The following SPAG17 variants were observed in gnomAD, a reference collection of about 807,000 sequenced individuals.
SPAG17 encodes sperm associated antigen 17.
Under a neutral mutation model 273.6 loss-of-function variants are expected in SPAG17, and 169 were observed. The ratio of observed to expected loss-of-function variants is 0.62; its 90% confidence interval spans 0.55 to 0.70. The LOEUF (loss-of-function observed/expected upper bound fraction) is 0.70. Among genes scored for constraint, SPAG17 ranks in the 30% least tolerant of loss-of-function variants. SPAG17 has a pLI of 0.00. For synonymous variants in SPAG17, 825 were observed against 873.2 expected (o/e 0.94, Z 0.97); for missense variants, 2,557 against 2,627.8 (o/e 0.97, Z 0.59).
At chr1:118,139,738 C>G (rs1658563480) in intron 3 of SPAG17, among the ~76,000 whole-genome samples, 1 of 151,238 alleles carries the variant, frequency 6.6e-6, no homozygotes, top group South Asian at 2.1e-4. Context: ...CATGGGGAAT[C>G]TAAAAATCAA....
chr1:118,012,455 A>T, intron 29 of SPAG17, 83 bp from the exon 30 acceptor site: 1 of 1,455,588 alleles, frequency 6.9e-7, no homozygotes, highest in Non-Finnish European at 9.3e-7. Flanking sequence ...GAATACGAAG[A>T]TGGCACCATC....
chr1:117,969,197 T>G (rs1654263956), intron 46 of SPAG17, among the ~76,000 whole-genome samples: 1 of 152,172 alleles, frequency 6.6e-6, no homozygotes, highest in Admixed American at 6.5e-5. Flanking sequence ...TTTTGGAGGA[T>G]GTATCAAATA....
intron 32 of SPAG17, among the ~76,000 whole-genome samples, chr1:118,004,440 T>C (rs1400762691): frequency 6.6e-6 from 1 of 152,166 alleles, no homozygotes; most frequent in African/African-American, 2.4e-5. Context: ...CTAGAGGCAG[T>C]AGGCCTTGCT....
intron 3 of SPAG17, among the ~76,000 whole-genome samples, chr1:118,129,054 G>C (rs138365347): frequency 6.6e-6 from 1 of 152,338 alleles, no homozygotes; most frequent in Non-Finnish European, 1.5e-5. Flanking sequence ...CTTAAGGGAT[G>C]AGATTGCTGC....
chr1:118,046,805 T>G (rs1650409234), intron 20 of SPAG17, among the ~76,000 whole-genome samples: 2 of 152,128 alleles, frequency 1.3e-5, no homozygotes, highest in African/African-American at 4.8e-5. Flanking sequence ...TTTCACTTAT[T>G]TAGAGTGAAT....
chr1:118,003,770 A>G (rs1476403261), intron 32 of SPAG17, among the ~76,000 whole-genome samples: 1 of 152,106 alleles, frequency 6.6e-6, no homozygotes, highest in Admixed American at 6.6e-5. Context: ...ATGTTCCTTT[A>G]GCTCAGAGAA....
At chr1:118,083,440 T>A (rs1654747963) in intron 13 of SPAG17, among the ~76,000 whole-genome samples, 2 of 152,070 alleles carry the variant, frequency 1.3e-5, no homozygotes, top group African/African-American at 4.8e-5. Flanking sequence ...GGTGGGGGAC[T>A]GGGCTGGGAT....
rs559962937 is a variant in SPAG17 at position 118,093,249 on chromosome 1, C to T, written c.1080G>A (p.Arg360=). 5.2e-4 allele frequency: 834 copies of T among 1,613,660 alleles called. 9 individuals are homozygous for T. In the South Asian group the frequency reaches 8.3e-3, roughly 16 times the overall value. Residue 360 remains arginine (R), a synonymous_variant, in exon 8 of 49, where the codon AGG becomes AGA. Coordinates refer to ENST00000336338, the MANE Select transcript of SPAG17 (RefSeq NM_206996.4). Reference sequence around the variant, plus strand: ...TGCTTTCCAAATAGTGCTGGTGCTGCCTTTTCCAATCCAGGATGTCATACA... The same window carrying T: ...TGCTTTCCAAATAGTGCTGGTGCTGTCTTTTCCAATCCAGGATGTCATACA... ...CLMYDILDWK[R]QHQHYLESMQ...
At chr1:118,114,200 C>A (rs534363938) in intron 4 of SPAG17, among the ~76,000 whole-genome samples, 86 of 152,224 alleles carry the variant, frequency 5.6e-4, no homozygotes, top group African/African-American at 2.0e-3. Flanking sequence ...AGGTACAACT[C>A]CCCCAACACG....
intron 1 of SPAG17, among the ~76,000 whole-genome samples, chr1:118,160,935 A>T (rs1183372713): frequency 6.6e-6 from 1 of 152,170 alleles, no homozygotes; most frequent in Non-Finnish European, 1.5e-5. Flanking sequence ...TTTCTCCAAT[A>T]ACTCCCTAGG....
At chr1:118,170,682 G>A (rs1196860235) in intron 1 of SPAG17, among the ~76,000 whole-genome samples, 4 of 152,138 alleles carry the variant, frequency 2.6e-5, no homozygotes, top group East Asian at 3.9e-4. Context: ...ATCTCAGAGC[G>A]GGTAAGAAAG....
chr1:118,117,966 G>A (rs1467423462), intron 3 of SPAG17, among the ~76,000 whole-genome samples: 1 of 152,180 alleles, frequency 6.6e-6, no homozygotes, highest in African/African-American at 2.4e-5. Context: ...TGGTATATGG[G>A]TCATTCCCAA....
Position 118,052,145 on chromosome 1 carries a change from ATATATAC to A in SPAG17, c.2814+1850_2814+1856del, listed in dbSNP as rs1408526312. Among the ~76,000 whole-genome samples the A allele has an allele frequency of 6.1e-5, 9 of 146,654 alleles. No homozygotes were observed. The East Asian group carries it at 1.8e-3, about 29-fold the overall frequency. ...AATACTATTATATATAAACTATATAATATATACTATTATAATATATAAACTATTATAT... is the reference window on the plus strand; with the variant it reads ...AATACTATTATATATAAACTATATAATATTATAATATATAAACTATTATAT... On this transcript the variant is annotated intron_variant, in intron 20 of 48. Coordinates refer to ENST00000336338, the MANE Select transcript of SPAG17 (RefSeq NM_206996.4).
At chr1:118,170,652 A>G (rs1660380114) in intron 1 of SPAG17, among the ~76,000 whole-genome samples, 1 of 152,228 alleles carries the variant, frequency 6.6e-6, no homozygotes, top group East Asian at 1.9e-4. Flanking sequence ...TATTGTCTCT[A>G]TCTGACAAAA....
intron 23 of SPAG17, among the ~76,000 whole-genome samples, chr1:118,037,338 G>A (rs527472397): frequency 6.6e-6 from 1 of 152,068 alleles, no homozygotes; most frequent in Non-Finnish European, 1.5e-5. Flanking sequence ...AAATTGTTAA[G>A]GCACTTTTTT....
chr1:118,036,707 T>A lies in SPAG17; in HGVS notation c.3433+63A>T, dbSNP rs926938629. On this transcript the variant is annotated intron_variant, in intron 24 of 48. Transcript: ENST00000336338. ...TATTGACAAGTGAGCAGACTGAGAA[T>A]GGGCAGTGGCAGGGACCCTTGGCTG... is the stretch of plus-strand genomic sequence containing the variant. 47 of 1,047,304 alleles carry A rather than the reference T, an allele frequency of 4.5e-5. No homozygotes were observed. In the East Asian group the frequency reaches 1.2e-3, roughly 27 times the overall value. The allele number at this position is 1,047,304 out of a possible 1,614,324, so 64.9% of individuals were successfully genotyped here.
chr1:118,174,928 T>G (rs950346448), intron 1 of SPAG17, among the ~76,000 whole-genome samples: 1 of 152,168 alleles, frequency 6.6e-6, no homozygotes, highest in Non-Finnish European at 1.5e-5. Flanking sequence ...CTCTGCTACC[T>G]TAAGCCACTC....
intron 28 of SPAG17, among the ~76,000 whole-genome samples, chr1:118,017,591 T>C (rs1049864194): frequency 6.6e-6 from 1 of 152,150 alleles, no homozygotes; most frequent in Non-Finnish European, 1.5e-5. Context: ...GTGAGGTATT[T>C]GGAAGATTAG....
chr1:117,994,635 A>T, intron 34 of SPAG17, 105 bp from the exon 35 acceptor site: 1 of 1,173,412 alleles, frequency 8.5e-7, no homozygotes, highest in East Asian at 2.5e-5. Context: ...ACAGACTTAG[A>T]CATGAAAGAC....
Sources: allele counts gnomAD v4.1 joint callset (sites outside exome capture counted in the v4.1 genomes callset), GRCh38; gene constraint gnomAD v4.1.1; transcripts MANE v1.5; gene names NCBI Gene and HGNC (gene_info 2026-07-23, HGNC 2026-07-21).